MNS1: variants seen among roughly 807,000 people sequenced by gnomAD.
MNS1 encodes the protein meiosis specific nuclear structural 1.
Under a neutral mutation model 72.0 loss-of-function variants are expected in MNS1, and 63 were observed. That is an observed-to-expected ratio of 0.87 (90% CI 0.71 to 1.08). The LOEUF (loss-of-function observed/expected upper bound fraction) is 1.08. MNS1 is among the 50% of genes least tolerant of loss of function. The probability of loss-of-function intolerance (pLI) is 0.00; values close to 1 mark genes in which losing one functional copy is unlikely to be tolerated. For synonymous variants in MNS1, 188 were observed against 172.1 expected (o/e 1.09, Z -0.72); for missense variants, 604 against 562.4 (o/e 1.07, Z -0.75).
intron 2 of MNS1, among the ~76,000 whole-genome samples, chr15:56,459,990 CAAAAAAAAA>C (rs150132300): frequency 1.8e-4 from 2 of 11,122 alleles, no homozygotes; most frequent in African/African-American, 9.0e-4. Flanking sequence ...AATTCTGTCT[CAAAAAAAAA>C]AAAAAAAAAA....
intron 9 of MNS1, 38 bp downstream of exon 9, chr15:56,431,335 G>C: frequency 6.2e-7 from 1 of 1,602,054 alleles, no homozygotes; most frequent in Non-Finnish European, 8.5e-7. Flanking sequence ...CACTATTACA[G>C]GTCATGAAGA....
chr15:56,455,563 C>A (rs922750310), intron 3 of MNS1, among the ~76,000 whole-genome samples: 9 of 152,202 alleles, frequency 5.9e-5, no homozygotes, highest in African/African-American at 2.2e-4. Context: ...AGTAAATTTC[C>A]AATATATTCA....
At chr15:56,454,281 C>A (rs2050966736) in intron 3 of MNS1, among the ~76,000 whole-genome samples, 1 of 152,096 alleles carries the variant, frequency 6.6e-6, no homozygotes, top group South Asian at 2.1e-4. Context: ...TTGATATAGG[C>A]ATGCAATGCA....
chr15:56,441,085 T>C (rs931635079), intron 7 of MNS1, among the ~76,000 whole-genome samples: 2 of 152,178 alleles, frequency 1.3e-5, no homozygotes, highest in African/African-American at 2.4e-5. Flanking sequence ...ATGCTGTTTT[T>C]TGAATCATTT....
intron 3 of MNS1, among the ~76,000 whole-genome samples, chr15:56,448,818 A>G (rs2050927269): frequency 2.3e-5 from 3 of 132,156 alleles, no homozygotes; most frequent in African/African-American, 8.8e-5. Context: ...CAGTGGTGTG[A>G]TCTCAGCTCA....
At position 56,456,031 on chromosome 15, in the gene MNS1, A is replaced by C. The variant is rs2050979536; in HGVS notation, c.353+363T>G. ...CTAGAGGTACTGAAACACAGGCTCC[A>C]CAGTCATTCCAGAAATACTGTAGGA... On this transcript the variant is annotated intron_variant, in intron 3 of 9. Coordinates refer to ENST00000260453, the MANE Select transcript of MNS1 (RefSeq NM_018365.4). 5.3e-5 allele frequency among the ~76,000 whole-genome samples: 8 copies of C among 152,288 alleles called. No individual in the cohort carries two copies. In the South Asian group the frequency reaches 1.7e-3, roughly 32 times the overall value.
chr15:56,454,014 G>A (rs1263795566), intron 3 of MNS1, among the ~76,000 whole-genome samples: 1 of 152,074 alleles, frequency 6.6e-6, no homozygotes, highest in African/African-American at 2.4e-5. Flanking sequence ...GTCCATTTCT[G>A]CATGACAGTG....
chr15:56,450,379 C>A (rs77480592), intron 3 of MNS1, among the ~76,000 whole-genome samples: 24 of 152,072 alleles, frequency 1.6e-4, no homozygotes, highest in African/African-American at 5.1e-4. Flanking sequence ...TTCATTCCCC[C>A]CAAAGAGAAA....
intron 3 of MNS1, among the ~76,000 whole-genome samples, chr15:56,449,326 T>C (rs1317625161): frequency 2.0e-5 from 3 of 152,130 alleles, no homozygotes; most frequent in African/African-American, 7.2e-5. Context: ...TACACTCTTT[T>C]TATTAAATCA....
At position 56,429,134 on chromosome 15, in the gene MNS1, A is replaced by G. The variant is rs145288136; in HGVS notation, c.1455T>C (p.Tyr485=). The G allele has an allele frequency of 2.9e-5, 47 of 1,602,196 alleles. No individual in the cohort carries two copies. The African/African-American group carries it at 6.1e-4, about 21-fold the overall frequency. ...DLLGEEFRKV[Y]QQRSEICEEK is the part of the protein sequence containing the mutation. ...CTTCACAAATTTCACTCCTTTGTTG[A>G]TATACTTTCCTGAACTCTTCACCAA... Residue 485 remains tyrosine, a synonymous_variant, in exon 10 of 10, where the codon TAT becomes TAC. Transcript: ENST00000260453.
chr15:56,443,371 T>C, intron 7 of MNS1, 59 bp downstream of exon 7: 3 of 1,268,622 alleles, frequency 2.4e-6, no homozygotes, highest in Non-Finnish European at 3.2e-6. Context: ...TCTTTTCTGC[T>C]TCATCTCAAA....
intron 2 of MNS1, 164 bp downstream of exon 2, chr15:56,463,862 C>T: frequency 1.6e-6 from 1 of 608,252 alleles, no homozygotes; most frequent in Non-Finnish European, 2.8e-6. Context: ...GACAGGCCGG[C>T]TCCAGAAACC....
At chr15:56,450,104 G>A (rs80312078) in intron 3 of MNS1, among the ~76,000 whole-genome samples, 4,194 of 152,164 alleles carry the variant, frequency 0.028, 197 homozygotes, top group African/African-American at 0.095. Flanking sequence ...CATTCCAGAA[G>A]AGAATTTGCA....
intron 7 of MNS1, among the ~76,000 whole-genome samples, chr15:56,438,778 G>T (rs1596258069): frequency 2.0e-5 from 3 of 152,078 alleles, no homozygotes; most frequent in African/African-American, 7.2e-5. Flanking sequence ...AATCTAAAAA[G>T]AACTCAAATT....
At chr15:56,441,999 G>T (rs1355117419) in intron 7 of MNS1, among the ~76,000 whole-genome samples, 2 of 151,882 alleles carry the variant, frequency 1.3e-5, no homozygotes, top group Non-Finnish European at 2.9e-5. Flanking sequence ...CAACCTGGGC[G>T]ACAGAGCGAG....
intron 2 of MNS1, among the ~76,000 whole-genome samples, chr15:56,461,975 G>GTTTTTTTTTTTT (rs56022687): frequency 4.1e-5 from 4 of 97,914 alleles, no homozygotes; most frequent in Non-Finnish European, 6.2e-5. Context: ...TTTTGTTGTT[G>GTTTTTTTTTTTT]TTTTTTTTTT....
At chr15:56,431,742 A>T (rs2050603006) in intron 8 of MNS1, among the ~76,000 whole-genome samples, 1 of 152,048 alleles carries the variant, frequency 6.6e-6, no homozygotes, top group Non-Finnish European at 1.5e-5. Context: ...TTTTCAGGAA[A>T]GTGTCTTCAT....
Position 56,464,086 on chromosome 15 carries a change from T to G in MNS1, c.165A>C (p.Gln55His). The G allele has an allele frequency of 6.2e-7, 1 of 1,614,056 alleles. No homozygotes were observed. Among genetic ancestry groups the G allele is most frequent in the South Asian group, 1.1e-5 (1 of 91,022 alleles). The stretch of plus-strand genomic sequence containing the variant: ...GTTCATTTTGTAATAATCTGAGAAA[T>G]TGCTTGCGCTGAACACGGTTATCAT... ...NENDNRVQRK[Q>H]FLRLLQNEQF... Residue 55 changes from glutamine (Q) to histidine (H), a missense_variant, in exon 2 of 10, where the codon CAA (glutamine) becomes CAC (histidine). Gln to His is a conservative substitution (Grantham distance 24). Transcript: ENST00000260453.
At chr15:56,462,669 TAAAC>T (rs1221377356) in intron 2 of MNS1, among the ~76,000 whole-genome samples, 3 of 152,208 alleles carry the variant, frequency 2.0e-5, no homozygotes, top group South Asian at 2.1e-4. Flanking sequence ...AAGAGGGACT[TAAAC>T]AGACATAACC....
Sources: allele counts gnomAD v4.1 joint callset (sites outside exome capture counted in the v4.1 genomes callset), GRCh38; gene constraint gnomAD v4.1.1; transcripts MANE v1.5; gene names NCBI Gene and HGNC (gene_info 2026-07-23, HGNC 2026-07-21).